Variants in TMA16 observed in about 807,000 individuals in gnomAD.
The protein encoded by TMA16 is translation machinery associated 16 homolog.
A neutral mutation model predicts 27.1 loss-of-function variants in TMA16; 26 were observed. That is an observed-to-expected ratio of 0.96 (90% CI 0.70 to 1.33). TMA16 has a LOEUF of 1.33. Among genes scored for constraint, TMA16 ranks in the 40% most tolerant of loss-of-function variants. The pLI is 0.00. For synonymous variants in TMA16, 71 were observed against 81.9 expected (o/e 0.87, Z 0.72); for missense variants, 233 against 241.4 (o/e 0.97, Z 0.23).
In TMA16 at chr4:163,515,474, A is replaced by G. The variant is rs754783499; in HGVS notation, c.388+13A>G. ...GGATATGGCCTTGGTGTGCTCACTG[A>G]TTTTTTATTTTCCTTTTATATGACA... On this transcript the variant is annotated intron_variant, in intron 5 of 6. Transcript: ENST00000358572. 13 of 1,600,980 alleles carry G rather than the reference A, an allele frequency of 8.1e-6. No individual in the cohort carries two copies. Among genetic ancestry groups the G allele is most frequent in the Non-Finnish European group, 1.1e-5 (13 of 1,175,656 alleles).
In TMA16 at chr4:163,519,938, C is replaced by T. The variant is rs1386580889; in HGVS notation, c.*424C>T. 1.0e-5 allele frequency: 6 copies of T among 579,494 alleles called. No individual in the cohort carries two copies. The highest frequency in any genetic ancestry group is 1.9e-5 in the Non-Finnish European group (6 of 322,302). The allele number at this position is 579,494 out of a possible 1,614,324, so 35.9% of individuals were successfully genotyped here. A position where few individuals can be genotyped will look rare whatever the true frequency, so the allele number is the denominator to read the frequency against. On this transcript the variant is annotated 3_prime_UTR_variant, in exon 7 of 7. Transcript: ENST00000358572. ...ATTGTTTTTCGGTAATAATATCACACTAATGCTTCTTTTAAACATTAAACC... is the reference window on the plus strand; with the variant it reads ...ATTGTTTTTCGGTAATAATATCACATTAATGCTTCTTTTAAACATTAAACC...
intron 5 of TMA16, 170 bp downstream of exon 5, chr4:163,515,631 A>G (rs1030844357): frequency 1.3e-5 from 9 of 680,356 alleles, no homozygotes; most frequent in African/African-American, 3.6e-5. Flanking sequence ...TTTTTCCCCT[A>G]CATTCCCAAC....
chr4:163,509,040 T>C (rs1211231904), intron 2 of TMA16, among the ~76,000 whole-genome samples: 2 of 152,200 alleles, frequency 1.3e-5, no homozygotes, highest in Non-Finnish European at 2.9e-5. Context: ...TTTTAAAATT[T>C]ATTTTCAAAA....
At chr4:163,518,996 A>C (rs1294941459) in intron 6 of TMA16, among the ~76,000 whole-genome samples, 2 of 152,268 alleles carry the variant, frequency 1.3e-5, no homozygotes, top group East Asian at 3.9e-4. Context: ...CATTATAAGA[A>C]TAACAGTTGA....
chr4:163,498,817 G>A (rs1411685853), intron 1 of TMA16, among the ~76,000 whole-genome samples: 4 of 152,022 alleles, frequency 2.6e-5, no homozygotes, highest in African/African-American at 7.2e-5. Flanking sequence ...AGCCTCTCCT[G>A]GCTAATTTTT....
intron 3 of TMA16, 79 bp downstream of exon 3, chr4:163,512,938 T>G: frequency 1.9e-6 from 2 of 1,027,318 alleles, no homozygotes; most frequent in Non-Finnish European, 2.9e-6. Flanking sequence ...TTTTTACTCT[T>G]TTAGTGAAAT....
intron 1 of TMA16, 181 bp downstream of exon 1, chr4:163,494,985 C>A: frequency 1.2e-6 from 1 of 860,786 alleles, no homozygotes; most frequent in Non-Finnish European, 1.8e-6. Context: ...CCAGGCCCAA[C>A]GCCTGGACCT....
chr4:163,518,128 C>A (rs1335893247), intron 6 of TMA16, among the ~76,000 whole-genome samples: 1 of 152,052 alleles, frequency 6.6e-6, no homozygotes, highest in Non-Finnish European at 1.5e-5. Flanking sequence ...TTAGCTCTTA[C>A]CCCTTTCCTT....
intron 6 of TMA16, 62 bp downstream of exon 6, chr4:163,517,538 C>T (rs1484383490): frequency 2.1e-6 from 3 of 1,463,152 alleles, no homozygotes; most frequent in Non-Finnish European, 2.8e-6. Flanking sequence ...GGTGAACTTT[C>T]TTCCCCTTTG....
intron 2 of TMA16, among the ~76,000 whole-genome samples, chr4:163,510,550 T>G (rs1279137446): frequency 6.6e-6 from 1 of 152,218 alleles, no homozygotes; most frequent in Non-Finnish European, 1.5e-5. Flanking sequence ...CCATGTCATT[T>G]TATGTATTAG....
At chr4:163,504,114 T>G (rs910108857) in intron 1 of TMA16, among the ~76,000 whole-genome samples, 1 of 152,230 alleles carries the variant, frequency 6.6e-6, no homozygotes, top group Admixed American at 6.5e-5. Flanking sequence ...TTTGTAGTTT[T>G]GAACATATTG....
chr4:163,497,383 T>C (rs1553986542), intron 1 of TMA16, among the ~76,000 whole-genome samples: 1 of 152,218 alleles, frequency 6.6e-6, no homozygotes, highest in East Asian at 1.9e-4. Flanking sequence ...CTCATAAAAA[T>C]TGTATTAGTT....
rs745705141 is a variant in TMA16 at position 163,514,141 on chromosome 4, T to C, written c.222T>C (p.Ala74=). ...PQKKRYSKKD[A]CELIERYLNR... ...AAAAGAGATATTCAAAGAAAGATGC[T>C]TGTGAACTAATTGAAAGGTAAACAC... Residue 74 remains alanine (A), a synonymous_variant, in exon 4 of 7, where the codon GCT becomes GCC. Coordinates refer to ENST00000358572, the MANE Select transcript of TMA16 (RefSeq NM_018352.3). The C allele has an allele frequency of 5.6e-6, 9 of 1,607,428 alleles. No homozygotes were observed. The highest frequency in any genetic ancestry group is 1.3e-5 in the African/African-American group (1 of 74,580).
chr4:163,512,706 A>G, intron 2 of TMA16, 116 bp from the exon 3 acceptor site: 1 of 632,472 alleles, frequency 1.6e-6, no homozygotes, highest in African/African-American at 1.8e-5. Context: ...AAATTTGTAA[A>G]AGAATGACCT....
chr4:163,507,291 C>T, intron 2 of TMA16, 146 bp downstream of exon 2: 1 of 694,710 alleles, frequency 1.4e-6, no homozygotes, highest in South Asian at 2.3e-5. Context: ...TGAAACTGAA[C>T]AAGGACTCTA....
rs979039009 is a variant in TMA16 at position 163,512,814 on chromosome 4, C to A, written c.117-8C>A. On this transcript the variant is annotated splice_region_variant and splice_polypyrimidine_tract_variant and intron_variant, in intron 2 of 6. Coordinates refer to ENST00000358572, the MANE Select transcript of TMA16 (RefSeq NM_018352.3). ...TTTCTAACACATATATTTACCTTTCCTTCAAAGATTGAAGAATGAAAAGGC... is the reference window on the plus strand; with the variant it reads ...TTTCTAACACATATATTTACCTTTCATTCAAAGATTGAAGAATGAAAAGGC... 39 of 1,594,326 alleles carry A rather than the reference C, an allele frequency of 2.4e-5. No homozygotes were observed. Among genetic ancestry groups the A allele is most frequent in the Non-Finnish European group, 3.2e-5 (37 of 1,168,076 alleles).
At chr4:163,517,359 T>A in intron 5 of TMA16, 75 bp from the exon 6 acceptor site, 1 of 1,384,970 alleles carries the variant, frequency 7.2e-7, no homozygotes, top group Non-Finnish European at 1.0e-6. Flanking sequence ...TTGCTAAAAA[T>A]TATTATTTGT....
chr4:163,506,417 A>G (rs1265972828), intron 1 of TMA16, among the ~76,000 whole-genome samples: 3 of 152,218 alleles, frequency 2.0e-5, no homozygotes, highest in African/African-American at 7.2e-5. Flanking sequence ...ATGTAGGAAT[A>G]AAAGAAACCT....
intron 1 of TMA16, among the ~76,000 whole-genome samples, chr4:163,497,520 T>A (rs1737575410): frequency 6.6e-6 from 1 of 152,210 alleles, no homozygotes; most frequent in Non-Finnish European, 1.5e-5. Context: ...AAGGTGTTTG[T>A]CAGGGCTGTC....
Sources: allele counts gnomAD v4.1 joint callset (sites outside exome capture counted in the v4.1 genomes callset), GRCh38; gene constraint gnomAD v4.1.1; transcripts MANE v1.5; gene names NCBI Gene and HGNC (gene_info 2026-07-23, HGNC 2026-07-21).